CFAP100: variants seen among roughly 807,000 people sequenced by gnomAD.
The protein encoded by CFAP100 is cilia and flagella associated protein 100, also known as cilia- and flagella-associated protein 100.
In CFAP100, 70 loss-of-function variants were observed where a neutral mutation model predicts 81.5. The ratio of observed to expected loss-of-function variants is 0.86; its 90% CI spans 0.71 to 1.05. The LOEUF (loss-of-function observed/expected upper bound fraction) is 1.05. Among genes scored for constraint, CFAP100 ranks in the 50% least tolerant of loss-of-function variants. The pLI, the probability that CFAP100 is intolerant of heterozygous loss-of-function variation, is 0.00. For synonymous variants in CFAP100, 341 were observed against 314.8 expected, an observed-to-expected ratio of 1.08 and a Z score of -0.88; for missense variants, 811 against 776.5, an observed-to-expected ratio of 1.04 and a Z score of -0.53.
chr3:126,407,245 A>G lies in CFAP100; in HGVS notation c.123A>G (p.Lys41=), dbSNP rs765661154. 1 of 1,613,116 alleles carries G rather than the reference A, an allele frequency of 6.2e-7. No individual in the cohort carries two copies. Among genetic ancestry groups the G allele is most frequent in the South Asian group, 1.1e-5 (1 of 90,958 alleles). ...AGAACCCAAAGAAACAGGCAAGAAA[A>G]AACGAAGGTAACCTTCAAGCTGGGA... The part of the protein sequence containing the change: ...TEENPKKQAR[K]NEEHGPDPSA... Residue 41 remains lysine, a synonymous_variant, in exon 3 of 17, where the codon AAA becomes AAG. Transcript: ENST00000352312.
intron 13 of CFAP100, among the ~76,000 whole-genome samples, chr3:126,430,040 G>T (rs1933147235): frequency 6.6e-6 from 1 of 152,112 alleles, no homozygotes. Context: ...TCGTCTTAGA[G>T]CAGTTGTTGT....
Position 126,396,059 on chromosome 3 carries a change from G to T in CFAP100, c.49+10G>T. ...AACATGACCAATGACAGTAAGTACC[G>T]GGCCAGGGTGGGCACTCTCAGAGGT... On this transcript the variant is annotated intron_variant, in intron 2 of 16. Transcript: ENST00000352312. The T allele has an allele frequency of 6.2e-7, 1 of 1,611,446 alleles. No individual in the cohort carries two copies. Among genetic ancestry groups the T allele is most frequent in the Non-Finnish European group, 8.5e-7 (1 of 1,177,580 alleles).
intron 11 of CFAP100, among the ~76,000 whole-genome samples, chr3:126,421,880 G>C (rs1160622456): frequency 6.6e-6 from 1 of 152,228 alleles, no homozygotes. Flanking sequence ...CCCTGCTGGT[G>C]GGGGGACATT....
intron 13 of CFAP100, chr3:126,432,814 A>C: frequency 2.8e-6 from 1 of 355,352 alleles, no homozygotes; most frequent in Non-Finnish European, 5.1e-6. Context: ...TGGTTATGCT[A>C]ATTTTATTGT....
chr3:126,399,970 G>A (rs920968690), intron 2 of CFAP100, among the ~76,000 whole-genome samples: 7 of 152,168 alleles, frequency 4.6e-5, no homozygotes, highest in Non-Finnish European at 8.8e-5. Context: ...GCCTGCTTCT[G>A]AGGGGCCGGC....
At chr3:126,428,352 T>C (rs766671557) in intron 13 of CFAP100, among the ~76,000 whole-genome samples, 1 of 146,746 alleles carries the variant, frequency 6.8e-6, no homozygotes, top group Non-Finnish European at 1.5e-5. Flanking sequence ...ACCAGGGACT[T>C]AGAGGGAGAG....
At chr3:126,402,628 G>A (rs1419490044) in intron 2 of CFAP100, among the ~76,000 whole-genome samples, 1 of 152,054 alleles carries the variant, frequency 6.6e-6, no homozygotes, top group Non-Finnish European at 1.5e-5. Flanking sequence ...CTCTGGATTG[G>A]GTGGTTTGCA....
intron 13 of CFAP100, among the ~76,000 whole-genome samples, chr3:126,424,043 C>A (rs2083375047): frequency 6.6e-6 from 1 of 152,254 alleles, no homozygotes; most frequent in Non-Finnish European, 1.5e-5. Context: ...CAGTCATTTG[C>A]TCAGAAGGGC....
intron 13 of CFAP100, among the ~76,000 whole-genome samples, chr3:126,425,249 T>A (rs1454159560): frequency 6.6e-6 from 1 of 152,256 alleles, no homozygotes; most frequent in Non-Finnish European, 1.5e-5. Flanking sequence ...AAGCCATCCC[T>A]GAGAGCACCC....
intron 13 of CFAP100, among the ~76,000 whole-genome samples, chr3:126,425,053 C>T (rs2083387549): frequency 1.3e-5 from 2 of 152,254 alleles, no homozygotes; most frequent in Admixed American, 6.5e-5. Context: ...TCAGGCAAGA[C>T]TATGTGCCCT....
chr3:126,433,250 C>T (rs1431758159), intron 14 of CFAP100, 46 bp downstream of exon 14: 5 of 1,603,840 alleles, frequency 3.1e-6, no homozygotes, highest in Admixed American at 3.4e-5. Flanking sequence ...TAAGGAGGGA[C>T]CCTTGGGCAC....
intron 2 of CFAP100, among the ~76,000 whole-genome samples, chr3:126,404,100 CAAG>C (rs1355211383): frequency 6.6e-6 from 1 of 152,184 alleles, no homozygotes; most frequent in Non-Finnish European, 1.5e-5. Flanking sequence ...TAGAATGAGG[CAAG>C]AAGATGGATA....
At chr3:126,417,450 A>G (rs912711781) in intron 5 of CFAP100, among the ~76,000 whole-genome samples, 1 of 152,238 alleles carries the variant, frequency 6.6e-6, no homozygotes, top group African/African-American at 2.4e-5. Context: ...TGTGACTCTG[A>G]AACACACAAG....
chr3:126,426,012 GGTCTTCT>G (rs1285628286), intron 13 of CFAP100, among the ~76,000 whole-genome samples: 1 of 152,090 alleles, frequency 6.6e-6, no homozygotes, highest in Non-Finnish European at 1.5e-5. Context: ...AAGGCAAAGA[GGTCTTCT>G]CTCACTACTA....
At chr3:126,397,442 A>G (rs1416181717) in intron 2 of CFAP100, among the ~76,000 whole-genome samples, 1 of 152,262 alleles carries the variant, frequency 6.6e-6, no homozygotes, top group Non-Finnish European at 1.5e-5. Flanking sequence ...ATAACAAATT[A>G]ACTCTCAATG....
At chr3:126,430,202 A>G (rs985877298) in intron 13 of CFAP100, among the ~76,000 whole-genome samples, 3 of 151,722 alleles carry the variant, frequency 2.0e-5, no homozygotes, top group African/African-American at 7.3e-5. Context: ...TTTCCTCTCC[A>G]GACATGGGAA....
chr3:126,395,987 G>C lies in CFAP100; in HGVS notation c.-14G>C, dbSNP rs375807256. 224 of 1,611,800 alleles carry C rather than the reference G, an allele frequency of 1.4e-4. No homozygotes were observed. Among genetic ancestry groups the C allele is most frequent in the Admixed American group, 3.3e-4 (20 of 59,998 alleles). ...AGGAGAAGCCTTGCATCAACCTCTT[G>C]GGCCTCAGCCAAGATGTCTGAGATA... is the stretch of plus-strand genomic sequence containing the variant. On this transcript the variant is annotated 5_prime_UTR_variant, in exon 2 of 17. Transcript: ENST00000352312.
At chr3:126,396,128 G>A (rs1223952129) in intron 2 of CFAP100, 79 bp downstream of exon 2, 3 of 1,144,734 alleles carry the variant, frequency 2.6e-6, no homozygotes, top group East Asian at 2.3e-5. Flanking sequence ...ACAGGTTAAG[G>A]TAGCTCTAAA....
intron 13 of CFAP100, among the ~76,000 whole-genome samples, chr3:126,430,482 TTATG>T (rs1387142330): frequency 6.6e-6 from 1 of 152,210 alleles, no homozygotes; most frequent in African/African-American, 2.4e-5. Context: ...AATATGTACA[TTATG>T]TATCAATAAA....
Sources: allele counts gnomAD v4.1 joint callset (sites outside exome capture counted in the v4.1 genomes callset), GRCh38; gene constraint gnomAD v4.1.1; transcripts MANE v1.5; gene names NCBI Gene and HGNC (gene_info 2026-07-23, HGNC 2026-07-21).